Variants in SYTL1 observed in about 807,000 individuals in gnomAD.
The protein encoded by SYTL1 is synaptotagmin-like protein 1.
A neutral mutation model predicts 74.6 loss-of-function variants in SYTL1; 53 were observed. That is an observed-to-expected ratio of 0.71 (90% CI 0.57 to 0.89). SYTL1 has a LOEUF of 0.89. Ranked by LOEUF, SYTL1 falls within the 40% of genes least tolerant of loss-of-function variation. SYTL1 has a pLI of 0.00. For synonymous variants in SYTL1, 329 were observed against 324.9 expected (o/e 1.01, Z -0.14); for missense variants, 728 against 768.7 (o/e 0.95, Z 0.63).
intron 2 of SYTL1, among the ~76,000 whole-genome samples, chr1:27,346,187 C>T (rs894413877): frequency 2.6e-5 from 4 of 152,152 alleles, no homozygotes; most frequent in African/African-American, 9.7e-5. Context: ...CCTTGCCAGC[C>T]CCCACCATCT....
chr1:27,352,583 G>A (rs2148039137), intron 13 of SYTL1: 1 of 152,008 alleles, frequency 6.6e-6, no homozygotes, highest in South Asian at 2.1e-4. Context: ...CCGCCTCCTG[G>A]GTTCACACCA....
In SYTL1 at chr1:27,347,680, T is replaced by C. The variant is rs1005421562; in HGVS notation, c.340+111T>C. 4.9e-5 allele frequency: 70 copies of C among 1,424,344 alleles called. No homozygotes were observed. Among genetic ancestry groups the C allele is most frequent in the Admixed American group, 1.6e-4 (8 of 50,730 alleles). 88.2% of individuals were successfully genotyped at this position (1,424,344 alleles called of 1,614,324 possible). On this transcript the variant is annotated intron_variant, in intron 3 of 14. Transcript: ENST00000616558. The surrounding 1 kb of genome is among the most constrained non-coding windows in gnomAD (Gnocchi z 4.9). Reference sequence around the variant, plus strand: ...CTCCAGTCCTGGCTGCCCCCAGTACTGTGTGTCTTTCAGTGGGCAATGCCC... The same window carrying C: ...CTCCAGTCCTGGCTGCCCCCAGTACCGTGTGTCTTTCAGTGGGCAATGCCC...
Position 27,345,326 on chromosome 1 carries a change from C to A in SYTL1, c.-9C>A. 1 of 1,497,456 alleles carries A rather than the reference C, an allele frequency of 6.7e-7. No individual in the cohort carries two copies. Among genetic ancestry groups the A allele is most frequent in the South Asian group, 1.3e-5 (1 of 77,114 alleles). The allele number at this position is 1,497,456 out of a possible 1,614,324, so 92.8% of individuals were successfully genotyped here. On this transcript the variant is annotated 5_prime_UTR_variant, in exon 2 of 15. Transcript: ENST00000616558. The surrounding 1 kb of genome is among the most constrained non-coding windows in gnomAD (Gnocchi z 6.0). Reference sequence around the variant, plus strand: ...CTCCGTGTGCCCAGCTGGGGCACAGCCCCAGCTGATGCCCCAGAGGGGCCA... The same window carrying A: ...CTCCGTGTGCCCAGCTGGGGCACAGACCCAGCTGATGCCCCAGAGGGGCCA...
At position 27,351,395 on chromosome 1, in the gene SYTL1, C is replaced by T; in HGVS notation, c.1243+59C>T. The T allele has an allele frequency of 1.3e-6, 2 of 1,505,500 alleles. No homozygotes were observed. The highest frequency in any genetic ancestry group is 4.3e-5 in the Admixed American group (2 of 46,926). 93.3% of individuals were successfully genotyped at this position (1,505,500 alleles called of 1,614,324 possible). On this transcript the variant is annotated intron_variant, in intron 12 of 14. Transcript: ENST00000616558. The surrounding 1 kb of genome is among the most constrained non-coding windows in gnomAD (Gnocchi z 5.0). ...GCCCTGAAAAGCGGGAGACTCCAGT[C>T]CCCGGGTTTGGGGGCGGTGGACTCC...
Position 27,349,463 on chromosome 1 carries a change from G to C in SYTL1, c.598G>C (p.Gly200Arg), listed in dbSNP as rs201651642. 1.6e-4 allele frequency: 228 copies of C among 1,454,052 alleles called. No homozygotes were observed. Among genetic ancestry groups the C allele is most frequent in the Admixed American group, 3.9e-4 (14 of 35,512 alleles). 90.1% of individuals were successfully genotyped at this position (1,454,052 alleles called of 1,614,324 possible). The stretch of plus-strand genomic sequence containing the variant: ...TGACCCGGAGCTGGAGCCCGCGTCG[G>C]GGGGAGAGCAGGAGCCGCGGCCCCA... ...EADPELEPAS[G>R]GEQEPRPQQA... Residue 200 changes from glycine (G) to arginine (R), a missense_variant, in exon 7 of 15, where the codon GGG (glycine) becomes CGG (arginine). By Grantham distance (125) the Gly-to-Arg change is moderately radical (BLOSUM62 -2). Transcript: ENST00000616558.
At position 27,345,422 on chromosome 1, in the gene SYTL1, G is replaced by A. The variant is rs1218720201; in HGVS notation, c.88G>A (p.Gly30Arg). 3 of 1,561,920 alleles carry A rather than the reference G, an allele frequency of 1.9e-6. No individual in the cohort carries two copies. In the East Asian group the frequency reaches 7.0e-5, roughly 37 times the overall value. Residue 30 changes from glycine to arginine, a missense_variant, in exon 2 of 15, where the codon GGA becomes AGA. Gly to Arg is a moderately radical substitution (Grantham distance 125). Coordinates refer to ENST00000616558, the MANE Select transcript of SYTL1 (RefSeq NM_001193308.2). The surrounding 1 kb of genome is among the most constrained non-coding windows in gnomAD (Gnocchi z 6.0). Reference protein sequence around the residue: ...MAHGPKPETEGLLDLSFLTEE... With the variant: ...MAHGPKPETERLLDLSFLTEE... ...GCATGGGCCAAAGCCTGAGACTGAA[G>A]GACTGTTGGACCTCAGCTTCCTGAC...
rs2148037787 is a variant in SYTL1, at chr1:27,351,495, TGAA to T, written c.1285_1287del (p.Lys429del). The T allele has an allele frequency of 1.3e-6, 2 of 1,548,932 alleles. No individual in the cohort carries two copies. The highest frequency in any genetic ancestry group is 1.7e-6 in the Non-Finnish European group (2 of 1,146,166). ...CCGAGCGGGGAGCTGCACTTCTGGG[TGAA>T]GGAGGCTCGGGACCTCCTGCCGCTG... is the stretch of plus-strand genomic sequence containing the variant. On this transcript the variant is annotated inframe_deletion, in exon 13 of 15. Transcript: ENST00000616558. The surrounding 1 kb of genome is among the most constrained non-coding windows in gnomAD (Gnocchi z 5.0).
rs146612829 is a variant in SYTL1, at chr1:27,343,603, CGT to C, written c.-39+1468_-39+1469del. Among the ~76,000 whole-genome samples, 35 of 147,180 alleles carry C rather than the reference CGT, an allele frequency of 2.4e-4. No individual in the cohort carries two copies. The South Asian group carries it at 4.4e-3, about 19-fold the overall frequency. ...GAGTGAGCAGATGTGTGTGTGTGTA[CGT>C]GTGTGTGTGTGTGTATCTGTCTGTC... On this transcript the variant is annotated intron_variant, in intron 1 of 14. Transcript: ENST00000616558. This position sits in a 1 kb window ranked among gnomAD's most constrained non-coding sequence, Gnocchi z 5.2.
At chr1:27,349,951 C>G in intron 8 of SYTL1, 21 bp from the exon 9 acceptor site, 2 of 1,569,488 alleles carry the variant, frequency 1.3e-6, no homozygotes, top group Non-Finnish European at 1.7e-6. Flanking sequence ...GGCCCTGACT[C>G]CCACCCACTC....
Position 27,349,475 on chromosome 1 carries a change from G to A in SYTL1, c.610G>A (p.Glu204Lys), listed in dbSNP as rs567054850. 16 of 1,454,742 alleles carry A rather than the reference G, an allele frequency of 1.1e-5. No homozygotes were observed. In the East Asian group the frequency reaches 2.0e-4, roughly 18 times the overall value. The allele number at this position is 1,454,742 out of a possible 1,614,324, so 90.1% of individuals were successfully genotyped here. The change falls in exon 7 of 15, where the codon GAG (glutamate) becomes AAG (lysine). Residue 204 changes from glutamate (E) to lysine (K), a missense_variant. Glu to Lys is a moderately conservative substitution (Grantham distance 56). Coordinates refer to ENST00000616558, the MANE Select transcript of SYTL1 (RefSeq NM_001193308.2). ...GGAGCCCGCGTCGGGGGGAGAGCAG[G>A]AGCCGCGGCCCCAGCAAGCCCAGGT... Reference protein sequence around the residue: ...ELEPASGGEQEPRPQQAQTKA... With the variant: ...ELEPASGGEQKPRPQQAQTKA...
In SYTL1 at chr1:27,350,588, T is replaced by C; in HGVS notation, c.1005+103T>C. 1 of 1,140,866 alleles carries C rather than the reference T, an allele frequency of 8.8e-7. No individual in the cohort carries two copies. The highest frequency in any genetic ancestry group is 1.3e-6 in the Non-Finnish European group (1 of 789,700). 70.7% of individuals were successfully genotyped at this position (1,140,866 alleles called of 1,614,324 possible). ...GCCAGTAACGTCATTGCCCGGAGGATCGGCGGAGGGGGCCCATTAACTCGT... is the reference window on the plus strand; with the variant it reads ...GCCAGTAACGTCATTGCCCGGAGGACCGGCGGAGGGGGCCCATTAACTCGT... On this transcript the variant is annotated intron_variant, in intron 10 of 14. Coordinates refer to ENST00000616558, the MANE Select transcript of SYTL1 (RefSeq NM_001193308.2). This position sits in a 1 kb window ranked among gnomAD's most constrained non-coding sequence, Gnocchi z 6.3.
At position 27,348,085 on chromosome 1, in the gene SYTL1, A is replaced by T; in HGVS notation, c.459+73A>T. ...TGGAATGTGCAGGGGGCAGGGGGGA[A>T]AGAGCCCCAGCCTGGGAATGGGGAG... On this transcript the variant is annotated intron_variant, in intron 5 of 14. Coordinates refer to ENST00000616558, the MANE Select transcript of SYTL1 (RefSeq NM_001193308.2). This position sits in a 1 kb window ranked among gnomAD's most constrained non-coding sequence, Gnocchi z 4.1. 1 of 1,464,398 alleles carries T rather than the reference A, an allele frequency of 6.8e-7. No individual in the cohort carries two copies. Among genetic ancestry groups the T allele is most frequent in the East Asian group, 2.3e-5 (1 of 44,098 alleles). 90.7% of individuals were successfully genotyped at this position (1,464,398 alleles called of 1,614,324 possible).
At position 27,350,782 on chromosome 1, in the gene SYTL1, T is replaced by C; in HGVS notation, c.1006-12T>C. On this transcript the variant is annotated splice_polypyrimidine_tract_variant and intron_variant, in intron 10 of 14. Transcript: ENST00000616558. This position sits in a 1 kb window ranked among gnomAD's most constrained non-coding sequence, Gnocchi z 6.3. ...CAGCAGTGCTCCACTAAAGCTCACC[T>C]CCTGTCCTCAGTACTCCGTCCCGCA... 6.2e-7 allele frequency: 1 copy of C among 1,613,490 alleles called. No homozygotes were observed. The highest frequency in any genetic ancestry group is 1.1e-5 in the South Asian group (1 of 91,076).
chr1:27,349,118 T>G lies in SYTL1; in HGVS notation c.498T>G (p.Ala166=). 1 of 1,614,070 alleles carries G rather than the reference T, an allele frequency of 6.2e-7. No individual in the cohort carries two copies. The highest frequency in any genetic ancestry group is 8.5e-7 in the Non-Finnish European group (1 of 1,179,940). Residue 166 remains alanine, a synonymous_variant, in exon 6 of 15, where the codon GCT becomes GCG. Coordinates refer to ENST00000616558, the MANE Select transcript of SYTL1 (RefSeq NM_001193308.2). ...CATCGCCTTCTGTCCCCCTAAAGGCTTCAGATCCTGAGGAGGCGTCCCAGG... is the reference window on the plus strand; with the variant it reads ...CATCGCCTTCTGTCCCCCTAAAGGCGTCAGATCCTGAGGAGGCGTCCCAGG... ...DFPSPSVPLK[A]SDPEEASQAQ...
rs2015251320 is a variant in SYTL1 at position 27,351,103 on chromosome 1, C to G, written c.1164+151C>G. The G allele has an allele frequency of 2.3e-6, 3 of 1,318,962 alleles. No homozygotes were observed. Among genetic ancestry groups the G allele is most frequent in the South Asian group, 2.8e-5 (2 of 71,298 alleles). 81.7% of individuals were successfully genotyped at this position (1,318,962 alleles called of 1,614,324 possible). ...TGGCCCCAGGCGAAGCCCGGCCGGC[C>G]ACGGCCCCTTCCCCGAGGGCGCTAG... On this transcript the variant is annotated intron_variant, in intron 11 of 14. Transcript: ENST00000616558. This position sits in a 1 kb window ranked among gnomAD's most constrained non-coding sequence, Gnocchi z 5.0.
At position 27,348,880 on chromosome 1, in the gene SYTL1, C is replaced by T. The variant is rs758325600; in HGVS notation, c.460-200C>T. Among the ~76,000 whole-genome samples the T allele has an allele frequency of 6.6e-6, 1 of 152,182 alleles. No individual in the cohort carries two copies. The highest frequency in any genetic ancestry group is 1.5e-5 in the Non-Finnish European group (1 of 68,038). The stretch of plus-strand genomic sequence containing the variant: ...CCACCAATGGGAGTAGGGAGTCAGG[C>T]GGCACAAGCCCTGCGGGGTGGGCTG... On this transcript the variant is annotated intron_variant, in intron 5 of 14. Transcript: ENST00000616558. The surrounding 1 kb of genome is among the most constrained non-coding windows in gnomAD (Gnocchi z 4.1).
In SYTL1 at chr1:27,345,234, G is replaced by C. The variant is rs2014945552; in HGVS notation, c.-38-63G>C. On this transcript the variant is annotated intron_variant, in intron 1 of 14. Transcript: ENST00000616558. This position sits in a 1 kb window ranked among gnomAD's most constrained non-coding sequence, Gnocchi z 6.0. ...CCAAGTGTTTGGGGAGAAAAGGGCT[G>C]TTGGTTCTAGGATGTGCCAAGCATT... is the stretch of plus-strand genomic sequence containing the variant. 1.1e-6 allele frequency: 1 copy of C among 923,346 alleles called. No homozygotes were observed. The highest frequency in any genetic ancestry group is 1.5e-6 in the Non-Finnish European group (1 of 647,186). 57.2% of individuals were successfully genotyped at this position (923,346 alleles called of 1,614,324 possible). A position where few individuals can be genotyped will look rare whatever the true frequency, so the allele number is the denominator to read the frequency against.
chr1:27,348,936 G>A lies in SYTL1; in HGVS notation c.460-144G>A, dbSNP rs1340525881. On this transcript the variant is annotated intron_variant, in intron 5 of 14. Transcript: ENST00000616558. The surrounding 1 kb of genome is among the most constrained non-coding windows in gnomAD (Gnocchi z 4.1). ...CACTGGTCTCACCGCTCCTGCAGCT[G>A]GCTGCCAGCCCTGCCCGGAGGGCTG... The A allele has an allele frequency of 3.1e-6, 2 of 648,254 alleles. No homozygotes were observed. Among genetic ancestry groups the A allele is most frequent in the African/African-American group, 1.8e-5 (1 of 54,676 alleles). 40.2% of individuals were successfully genotyped at this position (648,254 alleles called of 1,614,324 possible). A position where few individuals can be genotyped will look rare whatever the true frequency, so the allele number is the denominator to read the frequency against.
Position 27,345,090 on chromosome 1 carries a change from T to C in SYTL1, c.-38-207T>C. ...CTCAGGGTGTGTGCATGTGTGTCTC[T>C]TGCTTCTTCCACTGTGTCTCCAAGT... On this transcript the variant is annotated intron_variant, in intron 1 of 14. Coordinates refer to ENST00000616558, the MANE Select transcript of SYTL1 (RefSeq NM_001193308.2). The surrounding 1 kb of genome is among the most constrained non-coding windows in gnomAD (Gnocchi z 6.0). 2.8e-6 allele frequency: 1 copy of C among 361,124 alleles called. No individual in the cohort carries two copies. The allele number at this position is 361,124 out of a possible 1,614,324, so 22.4% of individuals were successfully genotyped here. A position where few individuals can be genotyped will look rare whatever the true frequency, so the allele number is the denominator to read the frequency against.
Sources: allele counts gnomAD v4.1 joint callset (sites outside exome capture counted in the v4.1 genomes callset), GRCh38; gene constraint gnomAD v4.1.1; non-coding constraint Gnocchi (gnomAD v3.1); transcripts MANE v1.5; gene names NCBI Gene and HGNC (gene_info 2026-07-23, HGNC 2026-07-21).